The following LARGE1 variants were observed in gnomAD, a reference collection of about 807,000 sequenced individuals.
The protein encoded by LARGE1 is xylosyl- and glucuronyltransferase LARGE1.
LARGE1 carries 43 observed loss-of-function variants against 87.6 expected under a neutral mutation model. That is an observed-to-expected ratio of 0.49 (90% CI 0.38 to 0.63). LARGE1 has a LOEUF of 0.63. Ranked by LOEUF, LARGE1 falls within the 30% of genes least tolerant of loss-of-function variation. The probability of loss-of-function intolerance (pLI) is 0.00; values close to 1 mark genes in which losing one functional copy is unlikely to be tolerated. For missense variants in LARGE1, 802 were observed against 1,000.2 expected (o/e 0.80, Z 2.67); for synonymous variants, 434 against 394.6 (o/e 1.10, Z -1.18).
intron 9 of LARGE1, among the ~76,000 whole-genome samples, chr22:33,379,179 T>TC: frequency 6.6e-6 from 1 of 151,866 alleles, no homozygotes; most frequent in Non-Finnish European, 1.5e-5. Flanking sequence ...AAGTTCTTTT[T>TC]TTTTTTTTTG....
At chr22:33,799,874 G>A (rs1290789871) in intron 1 of LARGE1, among the ~76,000 whole-genome samples, 1 of 152,164 alleles carries the variant, frequency 6.6e-6, no homozygotes, top group Non-Finnish European at 1.5e-5. Context: ...CCATAGATAA[G>A]GTCATAGAAG....
chr22:33,664,816 G>A (rs240352), intron 2 of LARGE1, among the ~76,000 whole-genome samples: 93,465 of 151,888 alleles, frequency 0.62, 29,122 homozygotes, highest in Middle Eastern at 0.7. Context: ...CCAAGACTGC[G>A]CCACTGCACT....
At chr22:33,481,128 T>C (rs2069303080) in intron 6 of LARGE1, among the ~76,000 whole-genome samples, 1 of 150,718 alleles carries the variant, frequency 6.6e-6, no homozygotes, top group Non-Finnish European at 1.5e-5. Flanking sequence ...AAAATTGCCC[T>C]GCAAAAAAAA....
At chr22:33,729,962 G>A (rs1278679070) in intron 2 of LARGE1, among the ~76,000 whole-genome samples, 1 of 152,114 alleles carries the variant, frequency 6.6e-6, no homozygotes, top group Middle Eastern at 3.2e-3. Context: ...CCCTCATGAA[G>A]TGTGTGTGTG....
At chr22:33,454,795 G>C (rs973105310) in intron 6 of LARGE1, among the ~76,000 whole-genome samples, 2 of 151,968 alleles carry the variant, frequency 1.3e-5, no homozygotes, top group African/African-American at 4.8e-5. Context: ...CAGAAAGAAT[G>C]GGGGGAGGTG....
chr22:33,433,097 TC>T (rs2067140432), intron 6 of LARGE1, among the ~76,000 whole-genome samples: 1 of 152,082 alleles, frequency 6.6e-6, no homozygotes, highest in Admixed American at 6.5e-5. Context: ...CAGAAGGCCT[TC>T]TCTTGCAATT....
chr22:33,314,179 C>T (rs763704839), intron 11 of LARGE1, among the ~76,000 whole-genome samples: 4 of 151,708 alleles, frequency 2.6e-5, no homozygotes, highest in African/African-American at 4.9e-5. Context: ...CATGCTTGTC[C>T]CTTGCTCTTT....
At chr22:33,897,571 C>G (rs1035306355) in intron 1 of LARGE1, among the ~76,000 whole-genome samples, 3 of 152,126 alleles carry the variant, frequency 2.0e-5, no homozygotes, top group Non-Finnish European at 4.4e-5. Context: ...CCCAGCTCAG[C>G]CAGTGAAGGT....
intron 12 of LARGE1, among the ~76,000 whole-genome samples, chr22:33,300,472 C>T (rs753753426): frequency 1.3e-5 from 2 of 152,160 alleles, no homozygotes; most frequent in African/African-American, 2.4e-5. Context: ...GCTGCCTGGG[C>T]TCAGGAGATC....
chr22:33,681,185 T>C (rs1457966406), intron 2 of LARGE1, among the ~76,000 whole-genome samples: 1 of 152,224 alleles, frequency 6.6e-6, no homozygotes, highest in East Asian at 1.9e-4. Flanking sequence ...TAGATTTATA[T>C]CTGAAATTGT....
rs376458404 is a variant in LARGE1, at chr22:33,460,458, T to A, written c.788-28193A>T. ...AAATAAATCATGGAAAACAAAACTC[T>A]GGCATAAAAACACATAAAAATGCTA... On this transcript the variant is annotated intron_variant, in intron 6 of 14. Transcript: ENST00000397394. 3.9e-5 allele frequency among the ~76,000 whole-genome samples: 6 copies of A among 152,124 alleles called. No homozygotes were observed. The South Asian group carries it at 1.0e-3, about 26-fold the overall frequency.
chr22:33,217,580 T>C (rs924756938), intron 11 of LARGE1, among the ~76,000 whole-genome samples: 2 of 152,120 alleles, frequency 1.3e-5, no homozygotes, highest in Admixed American at 6.5e-5. Flanking sequence ...AATGCATACA[T>C]GTGAAGTAGT....
chr22:33,176,767 G>A (rs1922895237), intron 11 of LARGE1, among the ~76,000 whole-genome samples: 1 of 152,198 alleles, frequency 6.6e-6, no homozygotes, highest in Non-Finnish European at 1.5e-5. Context: ...CAAGGATCTA[G>A]AATTAGAAAT....
Position 33,351,422 on chromosome 22 carries a change from C to A in LARGE1, c.1132-13621G>T, listed in dbSNP as rs575106089. ...CTTCTGTCAACCAACCATACTATTACTTATTTTTAGTGCATTTCATAATAT... is the reference window on the plus strand; with the variant it reads ...CTTCTGTCAACCAACCATACTATTAATTATTTTTAGTGCATTTCATAATAT... On this transcript the variant is annotated intron_variant, in intron 9 of 14. Coordinates refer to ENST00000397394, the MANE Select transcript of LARGE1 (RefSeq NM_133642.5). Among the ~76,000 whole-genome samples, 18 of 152,306 alleles carry A rather than the reference C, an allele frequency of 1.2e-4. No homozygotes were observed. In the South Asian group the frequency reaches 3.3e-3, roughly 28 times the overall value.
chr22:33,564,808 T>C, intron 6 of LARGE1, 40 bp downstream of exon 6: 1 of 1,609,468 alleles, frequency 6.2e-7, no homozygotes, highest in South Asian at 1.1e-5. Context: ...TGCTGATACC[T>C]ACAAGGATAT....
chr22:33,533,896 T>C (rs555942066), intron 6 of LARGE1, among the ~76,000 whole-genome samples: 1 of 152,276 alleles, frequency 6.6e-6, no homozygotes, highest in East Asian at 1.9e-4. Context: ...CAGGTTTTTT[T>C]TTTTTGGACG....
Position 33,426,895 on chromosome 22 carries a change from G to A in LARGE1, c.892+5266C>T, listed in dbSNP as rs530911630. Among the ~76,000 whole-genome samples, 55 of 152,286 alleles carry A rather than the reference G, an allele frequency of 3.6e-4. No homozygotes were observed. The South Asian group carries it at 1.0e-2, about 28-fold the overall frequency. ...TTACACCCTTCAACTTGGGGAGGAC[G>A]CACCTTGTGCTTGAGTCGCCTTTGG... On this transcript the variant is annotated intron_variant, in intron 7 of 14. Coordinates refer to ENST00000397394, the MANE Select transcript of LARGE1 (RefSeq NM_133642.5).
intron 6 of LARGE1, among the ~76,000 whole-genome samples, chr22:33,553,710 C>T (rs1408647925): frequency 6.6e-6 from 1 of 152,152 alleles, no homozygotes; most frequent in Non-Finnish European, 1.5e-5. Flanking sequence ...AGTTGAGCAA[C>T]ACCCCGACGT....
At chr22:33,346,607 A>G (rs1262729664) in intron 9 of LARGE1, among the ~76,000 whole-genome samples, 4 of 151,902 alleles carry the variant, frequency 2.6e-5, no homozygotes, top group Non-Finnish European at 5.9e-5. Flanking sequence ...CTGGCCTCCT[A>G]CCTTCTTTTC....
Sources: allele counts gnomAD v4.1 joint callset (sites outside exome capture counted in the v4.1 genomes callset), GRCh38; gene constraint gnomAD v4.1.1; transcripts MANE v1.5; gene names NCBI Gene and HGNC (gene_info 2026-07-23, HGNC 2026-07-21).